PCDHGA5: variants seen among roughly 807,000 people sequenced by gnomAD.
PCDHGA5 encodes the protein protocadherin gamma subfamily A, 5.
A neutral mutation model predicts 56.7 loss-of-function variants in PCDHGA5; 36 were observed. That is an observed-to-expected ratio of 0.64 (90% CI 0.49 to 0.84). The LOEUF is 0.84. Ranked by LOEUF, PCDHGA5 falls within the 40% of genes least tolerant of loss-of-function variation. The pLI, the probability that PCDHGA5 is intolerant of heterozygous loss-of-function variation, is 0.00. For synonymous variants in PCDHGA5, 563 were observed against 520.2 expected, an observed-to-expected ratio of 1.08 and a Z score of -1.12; for missense variants, 1,305 against 1,201.5, an observed-to-expected ratio of 1.09 and a Z score of -1.27.
intron 1 of PCDHGA5, chr5:141,419,056 T>C (rs2096318283): frequency 6.2e-7 from 1 of 1,613,836 alleles, no homozygotes; most frequent in Non-Finnish European, 8.5e-7. Context: ...CTTCTTCTAA[T>C]AATTACTACA....
chr5:141,365,527 T>A lies in PCDHGA5; in HGVS notation c.1197T>A (p.Asp399Glu), dbSNP rs746233500. 2.5e-6 allele frequency: 4 copies of A among 1,613,866 alleles called. No homozygotes were observed. The Admixed American group carries it at 6.7e-5, about 27-fold the overall frequency. Residue 399 changes from aspartate to glutamate, a missense_variant, in exon 1 of 4, where the codon GAT (aspartate) becomes GAA (glutamate). Physicochemically the swap from Asp to Glu is conservative, Grantham distance 45. Coordinates refer to ENST00000518069, the MANE Select transcript of PCDHGA5 (RefSeq NM_018918.3). ...NLPFKLEKSV[D>E]NYYHLLTTRD... ...CTTTTAAATTGGAGAAGTCAGTTGA[T>A]AATTACTATCACCTATTAACAACTA...
intron 1 of PCDHGA5, chr5:141,395,542 TTG>T (rs55729045): frequency 0.047 from 8,055 of 172,168 alleles, 192 homozygotes; most frequent in African/African-American, 0.072. Flanking sequence ...TTGCTATTGT[TTG>T]TGTGTGTGTG....
Position 141,477,797 on chromosome 5 carries a change from A to G in PCDHGA5, c.2422-17010A>G. ...CGTGAACATATTTGTCACTGATCGC[A>G]ATGACAATGCCCCCCAGGTCCTATA... On this transcript the variant is annotated intron_variant, in intron 1 of 3. Coordinates refer to ENST00000518069, the MANE Select transcript of PCDHGA5 (RefSeq NM_018918.3). This position sits in a 1 kb window ranked among gnomAD's most constrained non-coding sequence, Gnocchi z 4.9. 1.2e-6 allele frequency: 2 copies of G among 1,614,082 alleles called. No individual in the cohort carries two copies. Among genetic ancestry groups the G allele is most frequent in the Non-Finnish European group, 1.7e-6 (2 of 1,180,032 alleles).
At chr5:141,428,021 C>G (rs1185050109) in intron 1 of PCDHGA5, 1 of 1,605,486 alleles carries the variant, frequency 6.2e-7, no homozygotes, top group Admixed American at 1.7e-5. Flanking sequence ...TGCCACGCGC[C>G]GCAGAGTCCG....
rs998564450 is a variant in PCDHGA5 at position 141,401,627 on chromosome 5, G to T, written c.2421+34876G>T. The stretch of plus-strand genomic sequence containing the variant: ...AAAAAGACACCGGATTTGTCTTATC[G>T]TTTGGAGCTTTAAATATAAATGACT... On this transcript the variant is annotated intron_variant, in intron 1 of 3. Coordinates refer to ENST00000518069, the MANE Select transcript of PCDHGA5 (RefSeq NM_018918.3). Among the ~76,000 whole-genome samples the T allele has an allele frequency of 2.6e-5, 4 of 152,294 alleles. No homozygotes were observed. In the South Asian group the frequency reaches 8.3e-4, roughly 32 times the overall value.
rs1354607645 is a variant in PCDHGA5, at chr5:141,433,848, A to C, written c.2422-60959A>C. Among the ~76,000 whole-genome samples, 4 of 152,082 alleles carry C rather than the reference A, an allele frequency of 2.6e-5. No individual in the cohort carries two copies. In the East Asian group the frequency reaches 5.8e-4, roughly 22 times the overall value. ...GTGAAACTCTATCTCAAAAAAAAAA[A>C]AAAAAAACTTTATCCTCTAGTTTCA... On this transcript the variant is annotated intron_variant, in intron 1 of 3. Coordinates refer to ENST00000518069, the MANE Select transcript of PCDHGA5 (RefSeq NM_018918.3).
At position 141,485,035 on chromosome 5, in the gene PCDHGA5, AC is replaced by A; in HGVS notation, c.2422-9769del. ...CCGCCACCAGCAAAAACGGCGCGTA[AC>A]CCTTGCGGCGCCGGCCGAACCGCGC... On this transcript the variant is annotated intron_variant, in intron 1 of 3. Coordinates refer to ENST00000518069, the MANE Select transcript of PCDHGA5 (RefSeq NM_018918.3). The surrounding 1 kb of genome is among the most constrained non-coding windows in gnomAD (Gnocchi z 5.7). 1.4e-6 allele frequency: 1 copy of A among 694,388 alleles called. No homozygotes were observed. Among genetic ancestry groups the A allele is most frequent in the East Asian group, 2.6e-5 (1 of 38,852 alleles). The allele number at this position is 694,388 out of a possible 1,614,324, so 43.0% of individuals were successfully genotyped here.
chr5:141,386,913 A>T lies in PCDHGA5; in HGVS notation c.2421+20162A>T, dbSNP rs575520734. On this transcript the variant is annotated intron_variant, in intron 1 of 3. Coordinates refer to ENST00000518069, the MANE Select transcript of PCDHGA5 (RefSeq NM_018918.3). ...TCCTTCAATTCAGAGGTCACCAAGG[A>T]ATGTAAAATAAGTGCAGAGGTAGGA... Among the ~76,000 whole-genome samples the T allele has an allele frequency of 1.0e-3, 156 of 152,358 alleles. 1 individual carries two copies. The Middle Eastern group carries it at 0.017, about 17-fold the overall frequency.
rs1590066119 is a variant in PCDHGA5, at chr5:141,417,816, C to G, written c.2421+51065C>G. On this transcript the variant is annotated intron_variant, in intron 1 of 3. Transcript: ENST00000518069. ...CTTTTAGCGCGGTAGAGTGCACTTT[C>G]TCCAACTGGAAAAGCGGGGACCCAG... is the stretch of plus-strand genomic sequence containing the variant. 3 of 1,511,044 alleles carry G rather than the reference C, an allele frequency of 2.0e-6. No homozygotes were observed. The East Asian group carries it at 7.4e-5, about 37-fold the overall frequency. 93.6% of individuals were successfully genotyped at this position (1,511,044 alleles called of 1,614,324 possible).
chr5:141,482,472 CTG>C (rs2099561247), intron 1 of PCDHGA5, among the ~76,000 whole-genome samples: 2 of 136,856 alleles, frequency 1.5e-5, no homozygotes, highest in Non-Finnish European at 3.0e-5. Context: ...GTGCCAGACA[CTG>C]TAAACAATTA....
At chr5:141,469,569 G>A (rs975304006) in intron 1 of PCDHGA5, among the ~76,000 whole-genome samples, 1 of 152,122 alleles carries the variant, frequency 6.6e-6, no homozygotes, top group Non-Finnish European at 1.5e-5. Flanking sequence ...GTGAGACTCT[G>A]TCTCTAAATA....
chr5:141,400,543 T>C (rs2094038969), intron 1 of PCDHGA5: 1 of 1,613,794 alleles, frequency 6.2e-7, no homozygotes. Flanking sequence ...CATTTATGTC[T>C]ATTCTTTTTC....
intron 2 of PCDHGA5, among the ~76,000 whole-genome samples, chr5:141,500,254 G>A (rs1260325865): frequency 1.3e-5 from 2 of 150,426 alleles, no homozygotes; most frequent in Non-Finnish European, 3.0e-5. Context: ...TGTCACCCAG[G>A]CTGGACTGCA....
At chr5:141,462,387 A>G (rs781355919) in intron 1 of PCDHGA5, among the ~76,000 whole-genome samples, 13 of 152,178 alleles carry the variant, frequency 8.5e-5, no homozygotes, top group Non-Finnish European at 1.3e-4. Context: ...AAATTCGTTA[A>G]CATTTCTTTT....
intron 1 of PCDHGA5, chr5:141,423,839 A>C: frequency 7.8e-7 from 1 of 1,279,970 alleles, no homozygotes; most frequent in Admixed American, 3.8e-5. Flanking sequence ...AGATTACGAT[A>C]ATCTTTCAGA....
At chr5:141,430,842 G>A (rs935750449) in intron 1 of PCDHGA5, 4 of 1,567,068 alleles carry the variant, frequency 2.6e-6, no homozygotes, top group Non-Finnish European at 3.4e-6. Flanking sequence ...GAGACCGGAT[G>A]CACCCAGATA....
chr5:141,374,475 C>T (rs765909880), intron 1 of PCDHGA5: 4 of 1,612,136 alleles, frequency 2.5e-6, no homozygotes, highest in Admixed American at 1.7e-5. Context: ...GACAATACAC[C>T]CCGATTCTTA....
chr5:141,454,894 G>A (rs1371368633), intron 1 of PCDHGA5, among the ~76,000 whole-genome samples: 2 of 126,736 alleles, frequency 1.6e-5, no homozygotes, highest in Non-Finnish European at 3.1e-5. Context: ...TGCTAGCACC[G>A]CCTCCCGGGT....
At chr5:141,419,125 C>T in intron 1 of PCDHGA5, 1 of 1,613,852 alleles carries the variant, frequency 6.2e-7, no homozygotes, top group South Asian at 1.1e-5. Flanking sequence ...ACGTCACCAT[C>T]GCAGCCACAG....
Sources: gnomAD v4.1 joint callset for allele counts (sites outside exome capture counted in the v4.1 genomes callset) on GRCh38, gnomAD v4.1.1 for gene constraint, Gnocchi (gnomAD v3.1) non-coding constraint, MANE v1.5 for transcripts, NCBI Gene and HGNC (gene_info 2026-07-23, HGNC 2026-07-21) for gene names.